TASP1: variants seen among roughly 807,000 people sequenced by gnomAD.
TASP1 encodes the protein threonine aspartase 1.
Under a neutral mutation model 56.6 loss-of-function variants are expected in TASP1, and 16 were observed. That is an observed-to-expected ratio of 0.28 (90% CI 0.19 to 0.43). The LOEUF is 0.43. Among genes scored for constraint, TASP1 ranks in the 20% least tolerant of loss-of-function variants. The probability of loss-of-function intolerance (pLI) is 1.00; values close to 1 mark genes in which losing one functional copy is unlikely to be tolerated. For missense variants in TASP1, 393 were observed against 511.6 expected (o/e 0.77, Z 2.24); for synonymous variants, 179 against 184.2 (o/e 0.97, Z 0.23).
At chr20:13,506,875 T>C (rs2044151418) in intron 10 of TASP1, among the ~76,000 whole-genome samples, 2 of 116,282 alleles carry the variant, frequency 1.7e-5, no homozygotes, top group South Asian at 2.5e-4. Flanking sequence ...GCCAGAGAAA[T>C]TAGGCCAAAA....
At chr20:13,493,110 G>C (rs184236333) in intron 10 of TASP1, among the ~76,000 whole-genome samples, 1 of 152,032 alleles carries the variant, frequency 6.6e-6, no homozygotes, top group Non-Finnish European at 1.5e-5. Context: ...TTTTATGAAC[G>C]CAAATACTTT....
intron 4 of TASP1, among the ~76,000 whole-genome samples, chr20:13,614,383 T>C (rs570679801): frequency 1.3e-5 from 2 of 152,112 alleles, no homozygotes; most frequent in Admixed American, 6.5e-5. Context: ...AGGCTTTTTA[T>C]GATCTTCTTT....
the TASP1 span, chr20:13,243,978 G>C: frequency 3.9e-5 from 6 of 152,178 alleles, no homozygotes; most frequent in Admixed American, 3.9e-4. Flanking sequence ...AATGCTCATG[G>C]TATTTGCAGA....
At chr20:13,205,275 C>T in the TASP1 span, among the ~76,000 whole-genome samples, 2 of 152,116 alleles carry the variant, frequency 1.3e-5, no homozygotes, top group Non-Finnish European at 2.9e-5. Flanking sequence ...TTTCCCACCT[C>T]CAGGACTGTT....
chr20:13,330,246 C>A, the TASP1 span, among the ~76,000 whole-genome samples: 2 of 152,136 alleles, frequency 1.3e-5, no homozygotes, highest in Non-Finnish European at 2.9e-5. Context: ...TGAGCCACCA[C>A]GCCTGGCTGT....
chr20:13,351,896 G>A, the TASP1 span, among the ~76,000 whole-genome samples: 1 of 152,146 alleles, frequency 6.6e-6, no homozygotes, highest in Non-Finnish European at 1.5e-5. Context: ...GTAGCCACTA[G>A]TCTCATATAA....
intron 10 of TASP1, among the ~76,000 whole-genome samples, chr20:13,491,240 T>A (rs1225779505): frequency 3.3e-5 from 5 of 152,206 alleles, no homozygotes; most frequent in African/African-American, 4.8e-5. Flanking sequence ...CATTTTAACT[T>A]GATTATCTAG....
chr20:13,561,833 A>T (rs2046353347), intron 7 of TASP1, among the ~76,000 whole-genome samples: 1 of 152,108 alleles, frequency 6.6e-6, no homozygotes, highest in South Asian at 2.1e-4. Context: ...TTCAAATTAG[A>T]GTGTTATAAT....
chr20:13,202,153 T>A, the TASP1 span, among the ~76,000 whole-genome samples: 38 of 152,270 alleles, frequency 2.5e-4, no homozygotes, highest in African/African-American at 8.9e-4. Flanking sequence ...GCAACCAGCT[T>A]TGCAGGGAGA....
chr20:13,410,953 T>C (rs1453218381), intron 13 of TASP1, among the ~76,000 whole-genome samples: 1 of 152,190 alleles, frequency 6.6e-6, no homozygotes, highest in South Asian at 2.1e-4. Context: ...AGTAGTTTTA[T>C]AGTTTGGGGC....
chr20:13,528,239 A>AAAAAAG (rs1568548627), intron 10 of TASP1, among the ~76,000 whole-genome samples, 194 bp downstream of exon 10: 6 of 150,960 alleles, frequency 4.0e-5, no homozygotes, highest in African/African-American at 1.2e-4. Flanking sequence ...AAAAAAAAAA[A>AAAAAAG]AAAAAGAAAA....
At chr20:13,361,251 G>A in the TASP1 span, among the ~76,000 whole-genome samples, 1 of 152,120 alleles carries the variant, frequency 6.6e-6, no homozygotes, top group Non-Finnish European at 1.5e-5. Flanking sequence ...GATAGGTACA[G>A]GCCTTCCCTA....
the TASP1 span, among the ~76,000 whole-genome samples, chr20:13,212,202 G>T: frequency 6.6e-6 from 1 of 152,140 alleles, no homozygotes; most frequent in Admixed American, 6.5e-5. Flanking sequence ...GGCCCTTAAA[G>T]CATGCTGAGC....
At chr20:13,162,547 T>C in the TASP1 span, among the ~76,000 whole-genome samples, 1 of 152,092 alleles carries the variant, frequency 6.6e-6, no homozygotes, top group Non-Finnish European at 1.5e-5. Flanking sequence ...AAGGTAGCAA[T>C]TGAACCTAAA....
the TASP1 span, among the ~76,000 whole-genome samples, chr20:13,190,820 T>A: frequency 6.6e-6 from 1 of 152,056 alleles, no homozygotes; most frequent in South Asian, 2.1e-4. Context: ...GAGAAAATAC[T>A]TGCAATATAT....
intron 13 of TASP1, among the ~76,000 whole-genome samples, chr20:13,398,107 A>G (rs1422449028): frequency 6.6e-6 from 1 of 152,214 alleles, no homozygotes; most frequent in Non-Finnish European, 1.5e-5. Flanking sequence ...GCTAACACTT[A>G]AACTATCATT....
the TASP1 span, among the ~76,000 whole-genome samples, chr20:13,381,077 G>C: frequency 6.6e-6 from 1 of 152,168 alleles, no homozygotes; most frequent in African/African-American, 2.4e-5. Context: ...CTTTCCAGGG[G>C]AGTGAACGGT....
At chr20:13,481,679 T>A (rs2146503736) in intron 11 of TASP1, among the ~76,000 whole-genome samples, 1 of 152,312 alleles carries the variant, frequency 6.6e-6, no homozygotes. Context: ...GCAATAATGT[T>A]GAGCGCTTTT....
At chr20:13,592,438 G>C (rs2047569502) in intron 4 of TASP1, among the ~76,000 whole-genome samples, 1 of 151,516 alleles carries the variant, frequency 6.6e-6, no homozygotes, top group Admixed American at 6.6e-5. Flanking sequence ...CTAAGCACTT[G>C]AATTAGAGGC....
Sources: gnomAD v4.1 joint callset for allele counts (sites outside exome capture counted in the v4.1 genomes callset) on GRCh38, gnomAD v4.1.1 for gene constraint, MANE v1.5 for transcripts, NCBI Gene and HGNC (gene_info 2026-07-23, HGNC 2026-07-21) for gene names.